The following PSEN1 variants were observed in gnomAD, a reference collection of about 807,000 sequenced individuals.
PSEN1 encodes presenilin 1.
A neutral mutation model predicts 53.5 loss-of-function variants in PSEN1; 15 were observed. The ratio of observed to expected loss-of-function variants is 0.28; its 90% CI spans 0.19 to 0.43. The LOEUF is 0.43. Among genes scored for constraint, PSEN1 ranks in the 20% least tolerant of loss-of-function variants. The probability of loss-of-function intolerance (pLI) is 1.00; values close to 1 mark genes in which losing one functional copy is unlikely to be tolerated. For synonymous variants in PSEN1, 208 were observed against 209.8 expected (o/e 0.99, Z 0.08); for missense variants, 387 against 571.2 (o/e 0.68, Z 3.29).
chr14:73,141,629 AC>A (rs1896928413), intron 1 of PSEN1, among the ~76,000 whole-genome samples: 1 of 150,724 alleles, frequency 6.6e-6, no homozygotes, highest in Non-Finnish European at 1.5e-5. Flanking sequence ...TACTAAAAAT[AC>A]AAAAATTAGC....
At chr14:73,141,342 T>G (rs1377532636) in intron 1 of PSEN1, among the ~76,000 whole-genome samples, 1 of 152,036 alleles carries the variant, frequency 6.6e-6, no homozygotes, top group Non-Finnish European at 1.5e-5. Context: ...CCAAATGGGA[T>G]GTATCACTAC....
intron 1 of PSEN1, chr14:73,138,295 T>C (rs1896806533): frequency 6.6e-6 from 1 of 151,616 alleles, no homozygotes; most frequent in Non-Finnish European, 1.5e-5. Context: ...CTCAGCTCAC[T>C]GCAAGCTCCG....
chr14:73,143,245 G>C (rs985283379), intron 1 of PSEN1, among the ~76,000 whole-genome samples: 1 of 152,158 alleles, frequency 6.6e-6, no homozygotes, highest in Admixed American at 6.5e-5. Context: ...ACCTAGCCCT[G>C]TTGCCTGCCT....
intron 8 of PSEN1, among the ~76,000 whole-genome samples, chr14:73,202,574 G>A (rs565674846): frequency 1.2e-3 from 164 of 137,792 alleles, no homozygotes; most frequent in Non-Finnish European, 2.1e-3. Context: ...CCGGGTTCAC[G>A]CCATTCTCCT....
chr14:73,151,895 T>TATATATATATATATATATATATATATA (rs1491464395), intron 3 of PSEN1, among the ~76,000 whole-genome samples: 4 of 10,962 alleles, frequency 3.6e-4, no homozygotes, highest in African/African-American at 2.7e-3. Context: ...TATATATATA[T>TATATATATATATATATATATATATATA]TTTTTTTTTT....
intron 1 of PSEN1, among the ~76,000 whole-genome samples, chr14:73,141,194 A>G (rs887685462): frequency 1.2e-4 from 18 of 152,210 alleles, no homozygotes; most frequent in Admixed American, 2.0e-4. Context: ...AGCCAAGCCT[A>G]TAACATCACT....
At chr14:73,182,157 G>T (rs1898236723) in intron 5 of PSEN1, among the ~76,000 whole-genome samples, 1 of 152,098 alleles carries the variant, frequency 6.6e-6, no homozygotes, top group Non-Finnish European at 1.5e-5. Context: ...TGTTTCTTAA[G>T]TGTTACAAGC....
At chr14:73,156,819 T>C (rs995288226) in intron 3 of PSEN1, among the ~76,000 whole-genome samples, 4 of 151,512 alleles carry the variant, frequency 2.6e-5, no homozygotes, top group Admixed American at 1.3e-4. Flanking sequence ...TCCGCCACCA[T>C]GCCCAGCTAA....
chr14:73,153,776 G>A (rs908251600), intron 3 of PSEN1, among the ~76,000 whole-genome samples: 3 of 146,678 alleles, frequency 2.0e-5, no homozygotes, highest in Admixed American at 7.0e-5. Context: ...TCAGTTGTGC[G>A]ATCTCGGCTC....
chr14:73,157,982 T>C (rs2140002015), intron 3 of PSEN1, among the ~76,000 whole-genome samples: 1 of 151,848 alleles, frequency 6.6e-6, no homozygotes, highest in South Asian at 2.1e-4. Context: ...TGAGTCTCTG[T>C]CTAAAAAAAA....
chr14:73,215,372 T>A (rs1899870296), intron 10 of PSEN1, among the ~76,000 whole-genome samples: 4 of 151,172 alleles, frequency 2.6e-5, no homozygotes, highest in Non-Finnish European at 5.9e-5. Flanking sequence ...TCACCTGAGG[T>A]TTGGAGTTTG....
intron 3 of PSEN1, among the ~76,000 whole-genome samples, chr14:73,170,214 A>C (rs1897845276): frequency 6.6e-6 from 1 of 152,066 alleles, no homozygotes; most frequent in Admixed American, 6.5e-5. Context: ...CTTTATTGCA[A>C]CCAGTTTTAT....
At chr14:73,175,401 C>T (rs1898019553) in intron 5 of PSEN1, among the ~76,000 whole-genome samples, 3 of 151,882 alleles carry the variant, frequency 2.0e-5, no homozygotes, top group African/African-American at 7.3e-5. Context: ...GCTGGGATTA[C>T]AGGCGTGAGC....
intron 9 of PSEN1, among the ~76,000 whole-genome samples, chr14:73,208,115 G>A (rs1342708202): frequency 6.6e-6 from 1 of 152,208 alleles, no homozygotes; most frequent in East Asian, 1.9e-4. Flanking sequence ...GGGGGTCATA[G>A]CCCTGGCTTA....
chr14:73,148,650 A>T (rs1897136565), intron 3 of PSEN1, among the ~76,000 whole-genome samples: 1 of 152,168 alleles, frequency 6.6e-6, no homozygotes, highest in Non-Finnish European at 1.5e-5. Flanking sequence ...GTGAGAGCAG[A>T]GGCCAGGCAC....
chr14:73,163,066 T>G (rs192588234), intron 3 of PSEN1, among the ~76,000 whole-genome samples: 1 of 152,334 alleles, frequency 6.6e-6, no homozygotes, highest in African/African-American at 2.4e-5. Context: ...TGTAGATTCT[T>G]ATGTCACATT....
chr14:73,161,217 C>G (rs1046641151), intron 3 of PSEN1, among the ~76,000 whole-genome samples: 13 of 151,862 alleles, frequency 8.6e-5, no homozygotes, highest in Middle Eastern at 3.5e-3. Context: ...TCAAGCAATC[C>G]ACCTGCCTTA....
chr14:73,203,169 C>T (rs1899301324), intron 8 of PSEN1, among the ~76,000 whole-genome samples: 1 of 152,184 alleles, frequency 6.6e-6, no homozygotes, highest in African/African-American at 2.4e-5. Context: ...ACCTCCGCCT[C>T]CCAGGTTCAA....
intron 3 of PSEN1, among the ~76,000 whole-genome samples, chr14:73,159,824 T>G (rs1897475007): frequency 6.6e-6 from 1 of 152,112 alleles, no homozygotes; most frequent in Non-Finnish European, 1.5e-5. Context: ...ACTACTTGAG[T>G]TTTTTTCTTT....
Sources: allele counts gnomAD v4.1 joint callset (sites outside exome capture counted in the v4.1 genomes callset), GRCh38; gene constraint gnomAD v4.1.1; transcripts MANE v1.5; gene names NCBI Gene and HGNC (gene_info 2026-07-23, HGNC 2026-07-21).